The following CDH8 variants were observed in gnomAD, a reference collection of about 807,000 sequenced individuals.
The protein encoded by CDH8 is cadherin 8.
CDH8 carries 17 observed loss-of-function variants against 68.1 expected under a neutral mutation model. That is an observed-to-expected ratio of 0.25 (90% CI 0.17 to 0.37). The LOEUF (loss-of-function observed/expected upper bound fraction) is 0.37, where lower values mean the gene tolerates loss of function less well. Ranked by LOEUF, CDH8 falls within the 10% of genes least tolerant of loss-of-function variation. CDH8 has a pLI of 1.00. For missense variants in CDH8, 763 were observed against 999.3 expected, an observed-to-expected ratio of 0.76 and a Z score of 3.19; for synonymous variants, 372 against 365.1, an observed-to-expected ratio of 1.02 and a Z score of -0.21.
chr16:61,685,535 G>A (rs1964090544), intron 10 of CDH8, among the ~76,000 whole-genome samples: 3 of 151,946 alleles, frequency 2.0e-5, no homozygotes, highest in East Asian at 2.0e-4. Flanking sequence ...TTTTTGTTAA[G>A]TTTTGTATAG....
chr16:61,758,842 G>T (rs1370320018), intron 8 of CDH8, among the ~76,000 whole-genome samples: 1 of 152,112 alleles, frequency 6.6e-6, no homozygotes, highest in Non-Finnish European at 1.5e-5. Flanking sequence ...AAGATCTGAG[G>T]TTTTTTTACT....
At chr16:61,769,164 G>A (rs1157276759) in intron 8 of CDH8, among the ~76,000 whole-genome samples, 1 of 151,686 alleles carries the variant, frequency 6.6e-6, no homozygotes, top group Admixed American at 6.6e-5. Flanking sequence ...AAACAGTGTT[G>A]TCATATTATT....
Position 61,873,058 on chromosome 16 carries a change from G to GT in CDH8, c.548-15821dup, listed in dbSNP as rs538863752. Among the ~76,000 whole-genome samples the GT allele has an allele frequency of 2.4e-3, 360 of 152,278 alleles. 1 individual carries two copies. Among genetic ancestry groups the GT allele is most frequent in the Non-Finnish European group, 3.8e-3 (255 of 67,998 alleles). ...AGATAACAGCTTAAACTTTATTTTT[G>GT]TAAGTATTTAAACCTATGTTTTGTA... On this transcript the variant is annotated intron_variant, in intron 3 of 11. Coordinates refer to ENST00000577390, the MANE Select transcript of CDH8 (RefSeq NM_001796.5).
At chr16:61,829,518 T>C (rs539575751) in intron 4 of CDH8, among the ~76,000 whole-genome samples, 2 of 151,956 alleles carry the variant, frequency 1.3e-5, no homozygotes, top group African/African-American at 4.8e-5. Flanking sequence ...AGTGTAATAA[T>C]GTACTGCGGT....
intron 10 of CDH8, among the ~76,000 whole-genome samples, chr16:61,703,052 G>A (rs759212074): frequency 2.6e-5 from 4 of 152,080 alleles, no homozygotes; most frequent in Non-Finnish European, 4.4e-5. Flanking sequence ...GAATAAATTT[G>A]TCTTAAAATA....
intron 10 of CDH8, among the ~76,000 whole-genome samples, chr16:61,713,188 T>A (rs1057333262): frequency 1.7e-4 from 26 of 151,642 alleles, no homozygotes; most frequent in African/African-American, 6.0e-4. Context: ...AACAATAATC[T>A]ATGGCTTTCA....
chr16:62,017,094 T>C (rs544340931), intron 2 of CDH8, among the ~76,000 whole-genome samples: 45 of 152,328 alleles, frequency 3.0e-4, no homozygotes, highest in African/African-American at 9.6e-4. Flanking sequence ...TCTTCCATTA[T>C]GTAGGTAAAT....
chr16:61,749,054 C>CAAA (rs979501284), intron 8 of CDH8, among the ~76,000 whole-genome samples: 1 of 152,036 alleles, frequency 6.6e-6, no homozygotes, highest in African/African-American at 2.4e-5. Flanking sequence ...CCCAGGCTTA[C>CAAA]AATATTGAGG....
intron 1 of CDH8, among the ~76,000 whole-genome samples, chr16:62,029,504 T>C (rs945158267): frequency 6.6e-6 from 1 of 152,174 alleles, no homozygotes; most frequent in Non-Finnish European, 1.5e-5. Context: ...TTATTAAGCC[T>C]CAGAAGGGCT....
At chr16:61,737,350 A>G (rs986978686) in intron 8 of CDH8, among the ~76,000 whole-genome samples, 3 of 152,194 alleles carry the variant, frequency 2.0e-5, no homozygotes, top group African/African-American at 7.2e-5. Flanking sequence ...GCACTAAATT[A>G]TAGTCAATTG....
intron 3 of CDH8, among the ~76,000 whole-genome samples, chr16:61,857,969 T>G (rs1440271657): frequency 6.6e-6 from 1 of 151,856 alleles, no homozygotes; most frequent in African/African-American, 2.4e-5. Context: ...CATTTTGGAT[T>G]TAAAGAGCAA....
At chr16:61,744,576 AT>A (rs1002065828) in intron 8 of CDH8, among the ~76,000 whole-genome samples, 18 of 151,562 alleles carry the variant, frequency 1.2e-4, no homozygotes, top group African/African-American at 4.1e-4. Flanking sequence ...ATGGGTTTGG[AT>A]TTCTTTTTGT....
At chr16:61,883,918 C>A (rs1473188736) in intron 3 of CDH8, among the ~76,000 whole-genome samples, 1 of 150,920 alleles carries the variant, frequency 6.6e-6, no homozygotes, top group Non-Finnish European at 1.5e-5. Flanking sequence ...GTTGAAAAAA[C>A]ATGAAACAAG....
intron 8 of CDH8, among the ~76,000 whole-genome samples, chr16:61,782,537 T>A (rs1483697178): frequency 6.6e-6 from 1 of 152,060 alleles, no homozygotes; most frequent in African/African-American, 2.4e-5. Context: ...TGCCCAGGCT[T>A]GCTTAGGTAA....
chr16:61,955,737 A>G (rs1964977355), intron 2 of CDH8, among the ~76,000 whole-genome samples: 2 of 152,166 alleles, frequency 1.3e-5, no homozygotes, highest in Admixed American at 1.3e-4. Flanking sequence ...ATAGTCTGTA[A>G]AAATACAAAC....
chr16:61,981,431 T>C (rs1567555031), intron 2 of CDH8, among the ~76,000 whole-genome samples: 2 of 152,194 alleles, frequency 1.3e-5, no homozygotes, highest in Non-Finnish European at 2.9e-5. Flanking sequence ...TATTTTGCTT[T>C]CTGTAGGAAT....
rs1188408546 is a variant in CDH8, at chr16:62,021,378, A to G, written c.26T>C (p.Leu9Pro). Reference sequence around the variant, plus strand: ...TATTAATGGAGTCCAGAGATCCAAGAGCATTTCCGCTAGCCGTTCTGGCAT... The same window carrying G: ...TATTAATGGAGTCCAGAGATCCAAGGGCATTTCCGCTAGCCGTTCTGGCAT... MPERLAEMLLDLWTPLIIL... is the reference protein window; with the variant it reads MPERLAEMPLDLWTPLIIL... Residue 9 changes from leucine to proline, a missense_variant, in exon 2 of 12, where the codon CTC becomes CCC. Transcript: ENST00000577390. 2.5e-6 allele frequency: 4 copies of G among 1,611,530 alleles called. No homozygotes were observed. The highest frequency in any genetic ancestry group is 1.7e-5 in the Admixed American group (1 of 59,898).
chr16:61,656,033 G>C (rs1002011844), intron 10 of CDH8, among the ~76,000 whole-genome samples: 3 of 151,976 alleles, frequency 2.0e-5, no homozygotes, highest in Middle Eastern at 3.4e-3. Context: ...CCACCACACC[G>C]GGCTAATTTT....
intron 3 of CDH8, among the ~76,000 whole-genome samples, chr16:61,897,941 A>C (rs568573500): frequency 3.5e-4 from 53 of 152,190 alleles, no homozygotes; most frequent in African/African-American, 1.2e-3. Flanking sequence ...GATGGCAGAA[A>C]GATAACTTTC....
Sources: gnomAD v4.1 joint callset for allele counts (sites outside exome capture counted in the v4.1 genomes callset) on GRCh38, gnomAD v4.1.1 for gene constraint, MANE v1.5 for transcripts, NCBI Gene and HGNC (gene_info 2026-07-23, HGNC 2026-07-21) for gene names.